The following GLS variants were observed in gnomAD, a reference collection of about 807,000 sequenced individuals.
GLS encodes glutaminase kidney isoform, mitochondrial.
In GLS, 36 loss-of-function variants were observed where a neutral mutation model predicts 86.7. That is an observed-to-expected ratio of 0.42 (90% CI 0.32 to 0.55). The LOEUF (loss-of-function observed/expected upper bound fraction) is 0.55, where lower values mean the gene tolerates loss of function less well. Ranked by LOEUF, GLS falls within the 20% of genes least tolerant of loss-of-function variation. GLS has a pLI of 0.17. For synonymous variants in GLS, 317 were observed against 305.9 expected (o/e 1.04, Z -0.38); for missense variants, 528 against 833.4 (o/e 0.63, Z 4.51).
Position 190,913,692 on chromosome 2 carries a change from T to G in GLS, c.1038+3371T>G. ...TCTGGTGATAACTTAAGGGTTAGGA[T>G]AGGAAAATGAGGACAACATACTGCA... is the stretch of plus-strand genomic sequence containing the variant. On this transcript the variant is annotated intron_variant, in intron 7 of 17. Transcript: ENST00000320717. This position sits in a 1 kb window ranked among gnomAD's most constrained non-coding sequence, Gnocchi z 6.1. 1 of 972,778 alleles carries G rather than the reference T, an allele frequency of 1.0e-6. No individual in the cohort carries two copies. Among genetic ancestry groups the G allele is most frequent in the Non-Finnish European group, 1.2e-6 (1 of 818,430 alleles). The allele number at this position is 972,778 out of a possible 1,614,324, so 60.3% of individuals were successfully genotyped here.
At chr2:190,889,737 A>G (rs193302275) in intron 1 of GLS, among the ~76,000 whole-genome samples, 7 of 152,158 alleles carry the variant, frequency 4.6e-5, no homozygotes, top group Admixed American at 1.3e-4. Flanking sequence ...AGTTGTGCAA[A>G]CGTATGGACA....
chr2:190,963,558 T>G lies in GLS; in HGVS notation c.*572T>G, dbSNP rs1691052962. The G allele has an allele frequency of 6.5e-6, 1 of 152,704 alleles. No individual in the cohort carries two copies. The highest frequency in any genetic ancestry group is 1.5e-5 in the Non-Finnish European group (1 of 68,064). The allele number at this position is 152,704 out of a possible 1,614,324, so 9.5% of individuals were successfully genotyped here. On this transcript the variant is annotated 3_prime_UTR_variant, in exon 18 of 18. Coordinates refer to ENST00000320717, the MANE Select transcript of GLS (RefSeq NM_014905.5). ...TAAGATAGACCAATTCTGATTAGACTTTATCAGGGAATCTGTTTAAGATAT... is the reference window on the plus strand; with the variant it reads ...TAAGATAGACCAATTCTGATTAGACGTTATCAGGGAATCTGTTTAAGATAT...
At chr2:190,942,711 T>C (rs926277115) in intron 14 of GLS, among the ~76,000 whole-genome samples, 2 of 152,222 alleles carry the variant, frequency 1.3e-5, no homozygotes, top group Non-Finnish European at 2.9e-5. Flanking sequence ...GAAATTAGTT[T>C]AACTTTGGCT....
At position 190,921,651 on chromosome 2, in the gene GLS, T is replaced by C. The variant is rs559643336; in HGVS notation, c.1130+448T>C. On this transcript the variant is annotated intron_variant, in intron 9 of 17. Coordinates refer to ENST00000320717, the MANE Select transcript of GLS (RefSeq NM_014905.5). This position sits in a 1 kb window ranked among gnomAD's most constrained non-coding sequence, Gnocchi z 4.2. ...GTATGTATACCTCTAAACACAAATA[T>C]GTAAATATATATGTACATAGATTTT... Among the ~76,000 whole-genome samples, 65 of 152,140 alleles carry C rather than the reference T, an allele frequency of 4.3e-4. No individual in the cohort carries two copies. Among genetic ancestry groups the C allele is most frequent in the African/African-American group, 1.5e-3 (63 of 41,550 alleles).
chr2:190,893,647 A>G (rs1559317095), intron 1 of GLS, among the ~76,000 whole-genome samples: 1 of 152,266 alleles, frequency 6.6e-6, no homozygotes, highest in Admixed American at 6.5e-5. Flanking sequence ...GTGTGGTGGC[A>G]CGATCTTGGC....
chr2:190,914,101 C>G lies in GLS; in HGVS notation c.1038+3780C>G, dbSNP rs1359540315. Among the ~76,000 whole-genome samples, 1 of 152,182 alleles carries G rather than the reference C, an allele frequency of 6.6e-6. No individual in the cohort carries two copies. Among genetic ancestry groups the G allele is most frequent in the Non-Finnish European group, 1.5e-5 (1 of 68,036 alleles). On this transcript the variant is annotated intron_variant, in intron 7 of 17. Transcript: ENST00000320717. This position sits in a 1 kb window ranked among gnomAD's most constrained non-coding sequence, Gnocchi z 4.4. ...GCCACTCTACTTGGCATGCCTCATTCTAGTGGTAGTTTCCAGTTTTTGTCA... is the reference window on the plus strand; with the variant it reads ...GCCACTCTACTTGGCATGCCTCATTGTAGTGGTAGTTTCCAGTTTTTGTCA...
intron 6 of GLS, among the ~76,000 whole-genome samples, chr2:190,908,857 T>C (rs1331297321): frequency 6.6e-6 from 1 of 152,238 alleles, no homozygotes; most frequent in Non-Finnish European, 1.5e-5. Flanking sequence ...CTTTAAGACA[T>C]CTTGAGTGTA....
intron 14 of GLS, chr2:190,932,663 C>T: frequency 7.3e-7 from 1 of 1,372,740 alleles, no homozygotes; most frequent in Non-Finnish European, 9.6e-7. Context: ...ATAGCTTGGA[C>T]CTTTCTTCAC....
At chr2:190,929,055 G>T (rs1054717222) in intron 12 of GLS, among the ~76,000 whole-genome samples, 1 of 150,920 alleles carries the variant, frequency 6.6e-6, no homozygotes, top group East Asian at 2.0e-4. Flanking sequence ...GCGTGATCTC[G>T]GCTCACTGCA....
intron 13 of GLS, 28 bp from the exon 14 acceptor site, chr2:190,931,517 T>G: frequency 9.6e-7 from 1 of 1,043,000 alleles, no homozygotes; most frequent in East Asian, 2.4e-5. Flanking sequence ...GCCAATTTCT[T>G]ATACCTGCTC....
chr2:190,923,253 G>A (rs569114986), intron 9 of GLS, among the ~76,000 whole-genome samples: 65 of 152,228 alleles, frequency 4.3e-4, no homozygotes, highest in African/African-American at 1.5e-3. Flanking sequence ...GGGTAGTCAG[G>A]AGCTATTAAT....
chr2:190,924,889 TG>T lies in GLS; in HGVS notation c.1248+298del. ...GAGATCACGCCACTGCATTCCAGCC[TG>T]GCGACACAGTGAGACTCCGTCTCAA... On this transcript the variant is annotated intron_variant, in intron 11 of 17. Transcript: ENST00000320717. This position sits in a 1 kb window ranked among gnomAD's most constrained non-coding sequence, Gnocchi z 5.2. 7.8e-6 allele frequency: 2 copies of T among 255,210 alleles called. No individual in the cohort carries two copies. Among genetic ancestry groups the T allele is most frequent in the South Asian group, 1.3e-4 (2 of 15,304 alleles). 15.8% of individuals were successfully genotyped at this position (255,210 alleles called of 1,614,324 possible).
chr2:190,901,511 A>G (rs1343725521), intron 4 of GLS, among the ~76,000 whole-genome samples: 1 of 152,072 alleles, frequency 6.6e-6, no homozygotes. Context: ...TCCATGTTCA[A>G]GATTCAAGTG....
chr2:190,932,748 CCAA>C (rs1558987351), intron 14 of GLS: 8 of 1,601,518 alleles, frequency 5.0e-6, no homozygotes, highest in South Asian at 1.1e-5. Flanking sequence ...ATGAAAGTCT[CCAA>C]CAAGAACTTG....
chr2:190,959,606 A>G (rs1273208835), intron 17 of GLS, among the ~76,000 whole-genome samples: 2 of 152,144 alleles, frequency 1.3e-5, no homozygotes, highest in Non-Finnish European at 2.9e-5. Flanking sequence ...ACAAACCTTT[A>G]GAGAAGCATA....
chr2:190,884,046 T>C (rs1308659319), intron 1 of GLS, among the ~76,000 whole-genome samples: 2 of 152,232 alleles, frequency 1.3e-5, no homozygotes, highest in African/African-American at 2.4e-5. Context: ...CTCAGTTTTG[T>C]CTTTAGTGAT....
chr2:190,907,588 A>G (rs1689202148), intron 6 of GLS, among the ~76,000 whole-genome samples: 1 of 152,194 alleles, frequency 6.6e-6, no homozygotes, highest in African/African-American at 2.4e-5. Flanking sequence ...TGCAACATAG[A>G]AAGTTTTGGT....
At chr2:190,881,702 G>T in intron 1 of GLS, 1 of 464,040 alleles carries the variant, frequency 2.2e-6, no homozygotes, top group Non-Finnish European at 3.8e-6. Context: ...CCCCCGGCGG[G>T]GGTCGCCCTG....
chr2:190,886,479 A>G (rs1688381820), intron 1 of GLS, among the ~76,000 whole-genome samples: 1 of 152,208 alleles, frequency 6.6e-6, no homozygotes, highest in East Asian at 1.9e-4. Flanking sequence ...TGACTACCAA[A>G]TAGAATTCAG....
Sources: gnomAD v4.1 joint callset for allele counts (sites outside exome capture counted in the v4.1 genomes callset) on GRCh38, gnomAD v4.1.1 for gene constraint, Gnocchi (gnomAD v3.1) non-coding constraint, MANE v1.5 for transcripts, NCBI Gene and HGNC (gene_info 2026-07-23, HGNC 2026-07-21) for gene names.